RNF216: variants seen among roughly 807,000 people sequenced by gnomAD.
RNF216 encodes ring finger protein 216.
Under a neutral mutation model 110.8 loss-of-function variants are expected in RNF216, and 72 were observed. The ratio of observed to expected loss-of-function variants is 0.65; its 90% CI spans 0.54 to 0.79. The LOEUF is 0.79. Ranked by LOEUF, RNF216 falls within the 30% of genes least tolerant of loss-of-function variation. The pLI is 0.00. For synonymous variants in RNF216, 495 were observed against 407.5 expected (o/e 1.21, Z -2.59); for missense variants, 1,342 against 1,141.2 (o/e 1.18, Z -2.54).
At chr7:5,776,594 C>CAAAAAAA (rs35304255) in intron 1 of RNF216, among the ~76,000 whole-genome samples, 1 of 62,464 alleles carries the variant, frequency 1.6e-5, no homozygotes, top group African/African-American at 7.0e-5. Flanking sequence ...GACTCCGTCT[C>CAAAAAAA]AAAAAAAAAA....
At chr7:5,648,975 G>C (rs1194838021) in intron 14 of RNF216, among the ~76,000 whole-genome samples, 1 of 152,172 alleles carries the variant, frequency 6.6e-6, no homozygotes, top group Non-Finnish European at 1.5e-5. Flanking sequence ...TTTTAGTTTT[G>C]TTAGTGGTCA....
In RNF216 at chr7:5,715,091, T is replaced by C. The variant is rs1562421757; in HGVS notation, c.1795A>G (p.Ile599Val). Residue 599 changes from isoleucine (I) to valine (V), a missense_variant, in exon 11 of 17, where the codon ATC (isoleucine) becomes GTC (valine). Ile to Val is a conservative substitution (Grantham distance 29). Transcript: ENST00000389902. ...DAHLFCKECL[I>V]RYAQEAVFGS... is the part of the protein sequence containing the mutation. ...AAGACTGCCTCTTGGGCATATCTGA[T>C]GAGACACTCTTTGCAGAACAAGTGA... The C allele has an allele frequency of 6.2e-7, 1 of 1,613,908 alleles. No homozygotes were observed. The highest frequency in any genetic ancestry group is 8.5e-7 in the Non-Finnish European group (1 of 1,179,988).
chr7:5,691,114 A>G (rs569590958), intron 13 of RNF216, among the ~76,000 whole-genome samples: 110 of 152,316 alleles, frequency 7.2e-4, no homozygotes, highest in African/African-American at 2.6e-3. Flanking sequence ...TTCCGACAGA[A>G]GCACACCCAT....
chr7:5,692,392 T>A (rs1791389501), intron 13 of RNF216, among the ~76,000 whole-genome samples: 1 of 152,162 alleles, frequency 6.6e-6, no homozygotes, highest in Admixed American at 6.5e-5. Context: ...GCCGGGTGAA[T>A]CAGAACCCAT....
rs1786445613 is a variant in RNF216, at chr7:5,622,671, T to A, written c.*189A>T. The A allele has an allele frequency of 1.7e-6, 1 of 604,476 alleles. No individual in the cohort carries two copies. The highest frequency in any genetic ancestry group is 2.3e-5 in the South Asian group (1 of 43,394). 37.4% of individuals were successfully genotyped at this position (604,476 alleles called of 1,614,324 possible). A position where few individuals can be genotyped will look rare whatever the true frequency, so the allele number is the denominator to read the frequency against. ...TCTCCGAACTCCACCATTTGGGACG[T>A]CTTTATTATGGATCCGTCCACTCTT... On this transcript the variant is annotated 3_prime_UTR_variant, in exon 17 of 17. Coordinates refer to ENST00000389902, the MANE Select transcript of RNF216 (RefSeq NM_207111.4).
chr7:5,638,713 C>A (rs1484124212), intron 15 of RNF216, among the ~76,000 whole-genome samples: 1 of 150,864 alleles, frequency 6.6e-6, no homozygotes, highest in Non-Finnish European at 1.5e-5. Flanking sequence ...ACATGGCTCA[C>A]TGCAGCCTTG....
intron 13 of RNF216, among the ~76,000 whole-genome samples, chr7:5,653,508 G>C (rs1262420746): frequency 6.7e-6 from 1 of 149,006 alleles, no homozygotes; most frequent in Non-Finnish European, 1.5e-5. Flanking sequence ...GGCTGAAGCA[G>C]GAGAAAGGCG....
intron 13 of RNF216, among the ~76,000 whole-genome samples, chr7:5,686,172 G>A (rs1277557681): frequency 6.7e-6 from 1 of 149,026 alleles, no homozygotes; most frequent in Non-Finnish European, 1.5e-5. Context: ...GCAGTGAGCC[G>A]AGATCATGCT....
At chr7:5,710,045 G>A (rs1030219438) in intron 13 of RNF216, among the ~76,000 whole-genome samples, 2 of 152,238 alleles carry the variant, frequency 1.3e-5, no homozygotes, top group African/African-American at 4.8e-5. Context: ...TGAGCCACTG[G>A]GCAACCAATG....
chr7:5,643,892 C>A (rs530914927), intron 14 of RNF216, among the ~76,000 whole-genome samples: 1 of 152,334 alleles, frequency 6.6e-6, no homozygotes, highest in African/African-American at 2.4e-5. Context: ...GATTGCCATT[C>A]TGAGGCTAGG....
At chr7:5,635,804 A>G (rs568280606) in intron 15 of RNF216, among the ~76,000 whole-genome samples, 1 of 152,358 alleles carries the variant, frequency 6.6e-6, no homozygotes, top group East Asian at 1.9e-4. Flanking sequence ...TAACATCTAT[A>G]AATGTTAGGC....
intron 14 of RNF216, 54 bp from the exon 15 acceptor site, chr7:5,641,430 AT>A (rs1160866262): frequency 2.2e-6 from 3 of 1,371,606 alleles, no homozygotes; most frequent in Non-Finnish European, 3.1e-6. Flanking sequence ...GAGGAAAAAA[AT>A]ATGGCCATTA....
chr7:5,628,995 A>C (rs933980333), intron 15 of RNF216, among the ~76,000 whole-genome samples: 1 of 151,550 alleles, frequency 6.6e-6, no homozygotes, highest in Non-Finnish European at 1.5e-5. Flanking sequence ...CCAGGAGTTA[A>C]GAGACCAGTG....
At chr7:5,756,387 C>G (rs975548596) in intron 2 of RNF216, among the ~76,000 whole-genome samples, 1 of 152,164 alleles carries the variant, frequency 6.6e-6, no homozygotes, top group Non-Finnish European at 1.5e-5. Flanking sequence ...TGAATAGTTG[C>G]AACAGAAACC....
chr7:5,772,773 TCC>T (rs1796563784), intron 1 of RNF216, among the ~76,000 whole-genome samples: 3 of 148,032 alleles, frequency 2.0e-5, no homozygotes, highest in African/African-American at 7.4e-5. Context: ...AAAAAGATAT[TCC>T]TTTTTTTTTT....
At chr7:5,777,455 A>C (rs1487451008) in intron 1 of RNF216, 1 of 152,264 alleles carries the variant, frequency 6.6e-6, no homozygotes, top group Non-Finnish European at 1.5e-5. Context: ...TGTAGGAGAC[A>C]ACCGGTGCCA....
chr7:5,662,202 C>G (rs1789191023), intron 13 of RNF216, among the ~76,000 whole-genome samples: 1 of 152,212 alleles, frequency 6.6e-6, no homozygotes, highest in South Asian at 2.1e-4. Flanking sequence ...GATACCCTTT[C>G]TTACTGGTAA....
chr7:5,651,248 G>C (rs1788367425), intron 14 of RNF216, among the ~76,000 whole-genome samples: 1 of 151,380 alleles, frequency 6.6e-6, no homozygotes, highest in Non-Finnish European at 1.5e-5. Flanking sequence ...TTTTGAGTTG[G>C]AGTCTCGCTC....
At chr7:5,715,020 C>CTA in intron 11 of RNF216, 33 bp downstream of exon 11, 1 of 1,587,024 alleles carries the variant, frequency 6.3e-7, no homozygotes, top group Non-Finnish European at 8.6e-7. Context: ...GGAATGTGTC[C>CTA]TATATACATG....
Sources: allele counts gnomAD v4.1 joint callset (sites outside exome capture counted in the v4.1 genomes callset), GRCh38; gene constraint gnomAD v4.1.1; transcripts MANE v1.5; gene names NCBI Gene and HGNC (gene_info 2026-07-23, HGNC 2026-07-21).